The following INPP5D variants were observed in gnomAD, a reference collection of about 807,000 sequenced individuals.
INPP5D encodes phosphatidylinositol 3,4,5-trisphosphate 5-phosphatase 1.
In INPP5D, 33 loss-of-function variants were observed where a neutral mutation model predicts 122.9. The observed-to-expected ratio is 0.27, with a 90% CI of 0.20 to 0.36. The LOEUF (loss-of-function observed/expected upper bound fraction) is 0.36, where lower values mean the gene tolerates loss of function less well. Ranked by LOEUF, INPP5D falls within the 10% of genes least tolerant of loss-of-function variation. The pLI is 1.00. For missense variants in INPP5D, 1,053 were observed against 1,412.7 expected, an observed-to-expected ratio of 0.75 and a Z score of 4.08; for synonymous variants, 584 against 576.2, an observed-to-expected ratio of 1.01 and a Z score of -0.19.
Position 233,125,470 on chromosome 2 carries a change from A to T in INPP5D, c.350-275A>T, listed in dbSNP as rs569209114. Among the ~76,000 whole-genome samples, 11 of 152,324 alleles carry T rather than the reference A, an allele frequency of 7.2e-5. No individual in the cohort carries two copies. In the East Asian group the frequency reaches 2.1e-3, roughly 29 times the overall value. ...TGCTGCTGTGGGCTTAGTCCATCCA[A>T]GGTCAGCAGCCCTGCAGGCCTTCCA... On this transcript the variant is annotated intron_variant, in intron 3 of 26. Transcript: ENST00000445964.
At chr2:233,136,108 A>G (rs1166194286) in intron 5 of INPP5D, among the ~76,000 whole-genome samples, 1 of 152,266 alleles carries the variant, frequency 6.6e-6, no homozygotes, top group Non-Finnish European at 1.5e-5. Flanking sequence ...ACTGCATATC[A>G]GAACACTATG....
intron 18 of INPP5D, among the ~76,000 whole-genome samples, chr2:233,180,082 C>T (rs1490190391): frequency 6.6e-6 from 1 of 152,122 alleles, no homozygotes; most frequent in Non-Finnish European, 1.5e-5. Context: ...GGCTTCTTAG[C>T]TTCCTGGTCT....
chr2:233,083,498 G>C (rs1691745492), intron 2 of INPP5D, among the ~76,000 whole-genome samples: 1 of 152,312 alleles, frequency 6.6e-6, no homozygotes, highest in Non-Finnish European at 1.5e-5. Context: ...TGAGCCCTGT[G>C]TGAGGCCAGA....
chr2:233,083,570 T>G (rs1691749262), intron 2 of INPP5D, among the ~76,000 whole-genome samples: 2 of 152,192 alleles, frequency 1.3e-5, no homozygotes, highest in Admixed American at 1.3e-4. Flanking sequence ...GTGGGTTTCT[T>G]GTAAAGCCAA....
At chr2:233,175,046 G>A (rs569676486) in intron 17 of INPP5D, among the ~76,000 whole-genome samples, 12 of 151,556 alleles carry the variant, frequency 7.9e-5, no homozygotes, top group African/African-American at 2.4e-4. Flanking sequence ...GGCCAACACC[G>A]CGAAACCCGT....
intron 9 of INPP5D, among the ~76,000 whole-genome samples, chr2:233,152,726 C>T (rs1378888245): frequency 3.9e-5 from 6 of 152,024 alleles, no homozygotes; most frequent in African/African-American, 7.3e-5. Context: ...ACAAGTATGG[C>T]GTGTGAGACG....
At position 233,188,628 on chromosome 2, in the gene INPP5D, C is replaced by T. The variant is rs1574797590; in HGVS notation, c.2359-1222C>T. 6.6e-6 allele frequency among the ~76,000 whole-genome samples: 1 copy of T among 152,170 alleles called. No individual in the cohort carries two copies. The highest frequency in any genetic ancestry group is 1.9e-4 in the East Asian group (1 of 5,194). On this transcript the variant is annotated intron_variant, in intron 21 of 26. Coordinates refer to ENST00000445964, the MANE Select transcript of INPP5D (RefSeq NM_001017915.3). This position sits in a 1 kb window ranked among gnomAD's most constrained non-coding sequence, Gnocchi z 4.7. ...CCAGGCTGGAGTGCAGTGGTGCCAT[C>T]TCGGCTCACTGCAACCTCCGCCTCC... is the stretch of plus-strand genomic sequence containing the variant.
Position 233,139,896 on chromosome 2 carries a change from G to A in INPP5D, c.720G>A (p.Gln240=). ...SLESLQRLFD[Q]QLSPGLRPRP... ...AGTCTCTGCAGAGGTTATTTGACCA[G>A]CAGCTCTCCCCGGGCCTCCGTCCAC... The change falls in exon 6 of 27, where the codon CAG becomes CAA. Residue 240 remains glutamine (Q), a synonymous_variant. Transcript: ENST00000445964. 1 of 398,822 alleles carries A rather than the reference G, an allele frequency of 2.5e-6. No homozygotes were observed. Among genetic ancestry groups the A allele is most frequent in the Non-Finnish European group, 4.4e-6 (1 of 226,264 alleles). The allele number at this position is 398,822 out of a possible 1,614,324, so 24.7% of individuals were successfully genotyped here.
At chr2:233,120,739 C>T (rs762386287) in intron 2 of INPP5D, 1 of 152,356 alleles carries the variant, frequency 6.6e-6, no homozygotes. Flanking sequence ...GCTGGCTGCT[C>T]AGGGACCACC....
At chr2:233,190,013 TC>T (rs1695012981) in intron 22 of INPP5D, 76 bp downstream of exon 22, 2 of 1,567,398 alleles carry the variant, frequency 1.3e-6, no homozygotes, top group Admixed American at 1.8e-5. Context: ...TCAGGGGAGC[TC>T]ACCTGGCACT....
At chr2:233,101,418 G>A (rs765784338) in intron 2 of INPP5D, among the ~76,000 whole-genome samples, 14 of 151,952 alleles carry the variant, frequency 9.2e-5, no homozygotes, top group Non-Finnish European at 1.6e-4. Flanking sequence ...CTTTATTAGA[G>A]ACTCCTGTCA....
intron 2 of INPP5D, among the ~76,000 whole-genome samples, chr2:233,094,697 T>C (rs945218414): frequency 6.6e-6 from 1 of 151,918 alleles, no homozygotes. Flanking sequence ...ATGTGGACAA[T>C]CAGGTCCCAG....
At chr2:233,186,667 T>G in intron 21 of INPP5D, among the ~76,000 whole-genome samples, 1 of 138,902 alleles carries the variant, frequency 7.2e-6, no homozygotes, top group South Asian at 2.4e-4. Flanking sequence ...CTCTTGTTTT[T>G]TTTTCTTTTT....
intron 2 of INPP5D, among the ~76,000 whole-genome samples, chr2:233,084,175 T>G (rs1469904219): frequency 1.3e-5 from 2 of 152,208 alleles, no homozygotes; most frequent in African/African-American, 4.8e-5. Context: ...CACCTCAGTC[T>G]CCTGAGTAGC....
intron 2 of INPP5D, among the ~76,000 whole-genome samples, chr2:233,103,520 G>C (rs906082668): frequency 9.2e-5 from 14 of 152,054 alleles, no homozygotes; most frequent in African/African-American, 3.4e-4. Flanking sequence ...CAGGCAGAGA[G>C]ATTGGAGAAC....
In INPP5D at chr2:233,200,977, T is replaced by TAAAC. The variant is rs1385684817; in HGVS notation, c.2975+2604_2975+2605insCAAA. On this transcript the variant is annotated intron_variant, in intron 25 of 26. Coordinates refer to ENST00000445964, the MANE Select transcript of INPP5D (RefSeq NM_001017915.3). ...CTCCATCTCAAAATAAATAAATAAA[T>TAAAC]AAATAAATAAATAAATAAATAAATA... is the stretch of plus-strand genomic sequence containing the variant. Among the ~76,000 whole-genome samples, 4 of 92,214 alleles carry TAAAC rather than the reference T, an allele frequency of 4.3e-5. No individual in the cohort carries two copies. In the East Asian group the frequency reaches 2.5e-3, roughly 57 times the overall value. The allele number at this position is 92,214 out of a possible 152,430, so 60.5% of individuals were successfully genotyped here.
At chr2:233,158,662 C>T (rs1383437991) in intron 10 of INPP5D, among the ~76,000 whole-genome samples, 1 of 152,096 alleles carries the variant, frequency 6.6e-6, no homozygotes, top group Non-Finnish European at 1.5e-5. Flanking sequence ...CTCCCAGCCT[C>T]GAGGCCACAT....
intron 2 of INPP5D, among the ~76,000 whole-genome samples, chr2:233,101,588 A>G (rs1438372961): frequency 6.8e-6 from 1 of 146,618 alleles, no homozygotes; most frequent in Non-Finnish European, 1.5e-5. Flanking sequence ...ACATTATTAA[A>G]ATCAATTAAT....
Position 233,124,859 on chromosome 2 carries a change from G to A in INPP5D, c.350-886G>A, listed in dbSNP as rs1387689494. Among the ~76,000 whole-genome samples the A allele has an allele frequency of 5.3e-5, 8 of 152,242 alleles. No individual in the cohort carries two copies. In the South Asian group the frequency reaches 1.0e-3, roughly 20 times the overall value. ...TTGTCGGCTCGAACCAGAGCAATGC[G>A]ACATGAGGCCCGCGCAGTCCAAGAG... On this transcript the variant is annotated intron_variant, in intron 3 of 26. Transcript: ENST00000445964.
Sources: allele counts gnomAD v4.1 joint callset (sites outside exome capture counted in the v4.1 genomes callset), GRCh38; gene constraint gnomAD v4.1.1; non-coding constraint Gnocchi (gnomAD v3.1); transcripts MANE v1.5; gene names NCBI Gene and HGNC (gene_info 2026-07-23, HGNC 2026-07-21).